Variants in NTNG1 observed in about 807,000 individuals in gnomAD.
NTNG1 encodes netrin-G1.
In NTNG1, 16 loss-of-function variants were observed where a neutral mutation model predicts 54.0. The ratio of observed to expected loss-of-function variants is 0.30; its 90% CI spans 0.20 to 0.45. The LOEUF (loss-of-function observed/expected upper bound fraction) is 0.45. NTNG1 is among the 20% of genes least tolerant of loss of function. The probability of loss-of-function intolerance (pLI) is 1.00; values close to 1 mark genes in which losing one functional copy is unlikely to be tolerated. For synonymous variants in NTNG1, 255 were observed against 263.1 expected (o/e 0.97, Z 0.30); for missense variants, 530 against 678.7 (o/e 0.78, Z 2.43).
intron 5 of NTNG1, chr1:107,410,519 A>G (rs1429513713): frequency 1.3e-5 from 2 of 152,322 alleles, no homozygotes; most frequent in Admixed American, 1.3e-4. Context: ...TGCTTTGGCC[A>G]TGGCTGAAAA....
intron 2 of NTNG1, among the ~76,000 whole-genome samples, chr1:107,237,292 T>G (rs182574160): frequency 1.3e-4 from 20 of 152,268 alleles, no homozygotes; most frequent in African/African-American, 4.6e-4. Flanking sequence ...TTAGGGTATA[T>G]AGTGGAAGAA....
chr1:107,244,589 T>G (rs1052778045), intron 2 of NTNG1, among the ~76,000 whole-genome samples: 2 of 152,238 alleles, frequency 1.3e-5, no homozygotes, highest in Non-Finnish European at 1.5e-5. Context: ...ATGGAATAAA[T>G]GGTCCATTAT....
intron 3 of NTNG1, among the ~76,000 whole-genome samples, chr1:107,390,182 T>C (rs1362843252): frequency 6.6e-6 from 1 of 152,150 alleles, no homozygotes; most frequent in Non-Finnish European, 1.5e-5. Context: ...ACTTGCAGTG[T>C]TCAGCCCCAG....
At chr1:107,319,880 T>TAG (rs1667558171) in intron 2 of NTNG1, among the ~76,000 whole-genome samples, 1 of 150,954 alleles carries the variant, frequency 6.6e-6, no homozygotes, top group South Asian at 2.1e-4. Context: ...TATATATATA[T>TAG]ATATAAAACT....
rs868129376 is a variant in NTNG1, at chr1:107,324,518, C to T, written c.483C>T (p.Ile161=). 1 of 1,613,740 alleles carries T rather than the reference C, an allele frequency of 6.2e-7. No homozygotes were observed. Among genetic ancestry groups the T allele is most frequent in the Non-Finnish European group, 8.5e-7 (1 of 1,179,836 alleles). The change falls in exon 3 of 8, where the codon ATC becomes ATT. Residue 161 remains isoleucine, a synonymous_variant. Coordinates refer to ENST00000370068, the MANE Select transcript of NTNG1 (RefSeq NM_001113226.3). The part of the protein sequence containing the change: ...TFESGRPDQM[I]LEKSLDYGRT... The stretch of plus-strand genomic sequence containing the variant: ...AATCTGGGCGTCCAGACCAAATGAT[C>T]CTGGAGAAGTCTCTCGATTATGGAC...
chr1:107,316,620 T>C (rs1038194426), intron 2 of NTNG1, among the ~76,000 whole-genome samples: 1 of 151,850 alleles, frequency 6.6e-6, no homozygotes, highest in Non-Finnish European at 1.5e-5. Flanking sequence ...GTTTTTTATA[T>C]AAAATTACAT....
At chr1:107,249,176 A>ATAG (rs1184962110) in intron 2 of NTNG1, among the ~76,000 whole-genome samples, 2 of 149,960 alleles carry the variant, frequency 1.3e-5, no homozygotes, top group Non-Finnish European at 3.0e-5. Flanking sequence ...AATAATAATA[A>ATAG]TAATAATTTA....
At chr1:107,430,584 C>G in intron 5 of NTNG1, 166 bp from the exon 6 acceptor site, 6 of 770,680 alleles carry the variant, frequency 7.8e-6, no homozygotes, top group South Asian at 6.8e-5. Flanking sequence ...GATGCTATTT[C>G]CGTGCCAGTC....
At chr1:107,457,136 A>G (rs1282600718) in intron 7 of NTNG1, among the ~76,000 whole-genome samples, 1 of 152,244 alleles carries the variant, frequency 6.6e-6, no homozygotes, top group African/African-American at 2.4e-5. Context: ...TTAGGTGTAA[A>G]AATATACAAT....
chr1:107,190,223 G>A (rs538184289), intron 2 of NTNG1, among the ~76,000 whole-genome samples: 4 of 152,142 alleles, frequency 2.6e-5, no homozygotes, highest in East Asian at 1.9e-4. Flanking sequence ...ATAACGTTTC[G>A]GAGAAGGATT....
At chr1:107,368,125 T>G (rs1670709380) in intron 3 of NTNG1, among the ~76,000 whole-genome samples, 1 of 152,112 alleles carries the variant, frequency 6.6e-6, no homozygotes, top group Non-Finnish European at 1.5e-5. Context: ...TTCTTCTATC[T>G]TCATGTCCCC....
At chr1:107,285,656 G>A (rs139416855) in intron 2 of NTNG1, among the ~76,000 whole-genome samples, 2 of 152,242 alleles carry the variant, frequency 1.3e-5, no homozygotes, top group East Asian at 1.9e-4. Flanking sequence ...TATTAAAAAT[G>A]GCAGGAGACA....
chr1:107,402,270 C>T lies in NTNG1; in HGVS notation c.1061-5412C>T, dbSNP rs1043853381. 2.6e-5 allele frequency among the ~76,000 whole-genome samples: 4 copies of T among 152,108 alleles called. No homozygotes were observed. The East Asian group carries it at 5.8e-4, about 22-fold the overall frequency. On this transcript the variant is annotated intron_variant, in intron 4 of 7. Transcript: ENST00000370068. Reference sequence around the variant, plus strand: ...TGAATGACTTGAATGTTAATAACATCGGGCTGAAACATCCTGACCCATCCA... The same window carrying T: ...TGAATGACTTGAATGTTAATAACATTGGGCTGAAACATCCTGACCCATCCA...
At chr1:107,165,781 C>G (rs1325127923) in intron 2 of NTNG1, among the ~76,000 whole-genome samples, 2 of 152,090 alleles carry the variant, frequency 1.3e-5, no homozygotes, top group Admixed American at 1.3e-4. Context: ...TTCTTATTTC[C>G]AGTGACTTTG....
intron 2 of NTNG1, among the ~76,000 whole-genome samples, chr1:107,149,095 A>G (rs1339257685): frequency 6.6e-6 from 1 of 152,158 alleles, no homozygotes; most frequent in African/African-American, 2.4e-5. Flanking sequence ...AGGCAGGTAC[A>G]CTATAGCATA....
chr1:107,422,733 A>T (rs560012763), intron 5 of NTNG1, among the ~76,000 whole-genome samples: 1 of 152,090 alleles, frequency 6.6e-6, no homozygotes, highest in African/African-American at 2.4e-5. Flanking sequence ...CTTTTTCTCA[A>T]ATTCTTTCTT....
chr1:107,369,461 T>C lies in NTNG1; in HGVS notation c.888-25693T>C, dbSNP rs188233744. Among the ~76,000 whole-genome samples, 69 of 152,294 alleles carry C rather than the reference T, an allele frequency of 4.5e-4. 2 individuals are homozygous for C. In the East Asian group the frequency reaches 9.6e-3, roughly 21 times the overall value. On this transcript the variant is annotated intron_variant, in intron 3 of 7. Coordinates refer to ENST00000370068, the MANE Select transcript of NTNG1 (RefSeq NM_001113226.3). ...ACACTTTAGTAGGTGTGTAATGGTA[T>C]CTCATTGGGATTTTAATTGGCACTT...
intron 7 of NTNG1, among the ~76,000 whole-genome samples, chr1:107,467,128 C>G (rs868301844): frequency 1.5e-4 from 22 of 149,204 alleles, no homozygotes; most frequent in African/African-American, 5.4e-4. Context: ...TTTACCTAAA[C>G]TTTTTTTTTT....
chr1:107,386,456 G>T (rs1672007745), intron 3 of NTNG1, among the ~76,000 whole-genome samples: 1 of 152,130 alleles, frequency 6.6e-6, no homozygotes, highest in African/African-American at 2.4e-5. Context: ...TTACAGGCGT[G>T]TGCCACCACT....
Sources: allele counts gnomAD v4.1 joint callset (sites outside exome capture counted in the v4.1 genomes callset), GRCh38; gene constraint gnomAD v4.1.1; transcripts MANE v1.5; gene names NCBI Gene and HGNC (gene_info 2026-07-23, HGNC 2026-07-21).